MARCHF3: variants seen among roughly 807,000 people sequenced by gnomAD.
The protein encoded by MARCHF3 is E3 ubiquitin-protein ligase MARCHF3.
MARCHF3 carries 13 observed loss-of-function variants against 24.2 expected under a neutral mutation model. The ratio of observed to expected loss-of-function variants is 0.54; its 90% confidence interval spans 0.35 to 0.85. The LOEUF is 0.85. MARCHF3 is among the 40% of genes least tolerant of loss of function. MARCHF3 has a pLI of 0.01. For synonymous variants in MARCHF3, 144 were observed against 137.3 expected, an observed-to-expected ratio of 1.05 and a Z score of -0.34; for missense variants, 276 against 325.0, an observed-to-expected ratio of 0.85 and a Z score of 1.16.
intron 3 of MARCHF3, among the ~76,000 whole-genome samples, chr5:126,906,032 T>A (rs1413766236): frequency 1.3e-4 from 19 of 149,524 alleles, no homozygotes; most frequent in South Asian, 2.1e-4. Flanking sequence ...TGAAGGGTTG[T>A]TGAATTTTGT....
At chr5:127,006,516 G>A (rs1046164155) in intron 1 of MARCHF3, among the ~76,000 whole-genome samples, 4 of 152,052 alleles carry the variant, frequency 2.6e-5, no homozygotes, top group African/African-American at 7.2e-5. Flanking sequence ...TTCTTAAGAT[G>A]ACACCTTTAT....
intron 1 of MARCHF3, among the ~76,000 whole-genome samples, chr5:126,998,883 A>C (rs1053225993): frequency 8.5e-5 from 13 of 152,350 alleles, no homozygotes; most frequent in Admixed American, 4.6e-4. Context: ...GAAGCCCCGA[A>C]GTCAAGGAAC....
intron 1 of MARCHF3, among the ~76,000 whole-genome samples, chr5:126,941,491 A>T (rs1450828016): frequency 6.6e-6 from 1 of 152,172 alleles, no homozygotes; most frequent in Non-Finnish European, 1.5e-5. Flanking sequence ...TACACTTGTT[A>T]AAAACAGTTT....
intron 1 of MARCHF3, among the ~76,000 whole-genome samples, chr5:127,015,358 C>T (rs75156783): frequency 0.02 from 3,104 of 152,130 alleles, 75 homozygotes; most frequent in South Asian, 0.12. Context: ...GGGGAAAGGT[C>T]GAGGGAAGAT....
Position 126,918,268 on chromosome 5 carries a change from T to C in MARCHF3, c.-56-41A>G. On this transcript the variant is annotated intron_variant, in intron 1 of 4. Coordinates refer to ENST00000308660, the MANE Select transcript of MARCHF3 (RefSeq NM_178450.5). ...AAACAGTTTACTTGGGCAGGGTGGC[T>C]AATAGAAAATGGAGAATTATGGGCC... 2 of 1,310,294 alleles carry C rather than the reference T, an allele frequency of 1.5e-6. 1 individual carries two copies. The highest frequency in any genetic ancestry group is 2.0e-6 in the Non-Finnish European group (2 of 978,596). The allele number at this position is 1,310,294 out of a possible 1,614,324, so 81.2% of individuals were successfully genotyped here. A position where few individuals can be genotyped will look rare whatever the true frequency, so the allele number is the denominator to read the frequency against.
At chr5:126,998,593 C>G in intron 1 of MARCHF3, among the ~76,000 whole-genome samples, 1 of 152,158 alleles carries the variant, frequency 6.6e-6, no homozygotes, top group East Asian at 1.9e-4. Flanking sequence ...CACACTCACG[C>G]TGGGGAGAAC....
intron 1 of MARCHF3, among the ~76,000 whole-genome samples, chr5:126,988,601 G>C (rs1751643703): frequency 6.6e-6 from 1 of 152,032 alleles, no homozygotes; most frequent in Non-Finnish European, 1.5e-5. Flanking sequence ...TACATAAATT[G>C]GGACAAGAAA....
intron 1 of MARCHF3, among the ~76,000 whole-genome samples, chr5:126,949,924 GTTAGACAAAATCT>G (rs1561442540): frequency 6.6e-6 from 1 of 152,174 alleles, no homozygotes; most frequent in Non-Finnish European, 1.5e-5. Context: ...GGTCCTAGCT[GTTAGACAAAATCT>G]GTATAACCAT....
intron 1 of MARCHF3, among the ~76,000 whole-genome samples, chr5:127,013,592 G>T (rs1004304850): frequency 6.6e-6 from 1 of 152,156 alleles, no homozygotes; most frequent in Non-Finnish European, 1.5e-5. Flanking sequence ...TAAGAGGGAA[G>T]TACGATGCAG....
At chr5:126,884,518 A>C (rs547226863) in intron 3 of MARCHF3, among the ~76,000 whole-genome samples, 1 of 152,330 alleles carries the variant, frequency 6.6e-6, no homozygotes, top group African/African-American at 2.4e-5. Context: ...CAGACAACTC[A>C]AACTTAATCT....
chr5:127,025,221 G>C lies in MARCHF3; in HGVS notation c.-57+5129C>G, dbSNP rs1446041940. ...CATAGGTTTATAATATAGTGATATT[G>C]ATCACAGATTTTCCTAAGTACTCCA... On this transcript the variant is annotated intron_variant, in intron 1 of 4. Transcript: ENST00000308660. Among the ~76,000 whole-genome samples the C allele has an allele frequency of 1.1e-4, 17 of 150,884 alleles. 1 individual carries two copies. The highest frequency in any genetic ancestry group is 1.1e-3 in the Admixed American group (17 of 15,114).
intron 1 of MARCHF3, among the ~76,000 whole-genome samples, chr5:126,981,495 T>C (rs1306402417): frequency 1.3e-5 from 2 of 152,356 alleles, no homozygotes; most frequent in East Asian, 3.9e-4. Context: ...CTACTCCAGA[T>C]GTAAGTGTGT....
chr5:126,923,171 AAAAC>A (rs1354655138), intron 1 of MARCHF3, among the ~76,000 whole-genome samples: 11 of 152,374 alleles, frequency 7.2e-5, no homozygotes, highest in South Asian at 6.2e-4. Flanking sequence ...TGAAAAAAGA[AAAAC>A]AAAGATATAT....
At chr5:126,958,879 G>C (rs1251677215) in intron 1 of MARCHF3, among the ~76,000 whole-genome samples, 4 of 152,138 alleles carry the variant, frequency 2.6e-5, no homozygotes, top group African/African-American at 4.8e-5. Flanking sequence ...ATGACCAACA[G>C]TGGAACAATC....
chr5:127,000,012 T>G (rs1752076032), intron 1 of MARCHF3, among the ~76,000 whole-genome samples: 1 of 149,156 alleles, frequency 6.7e-6, no homozygotes, highest in African/African-American at 2.4e-5. Flanking sequence ...TTCTATAAAG[T>G]ACATTAGAAT....
intron 1 of MARCHF3, among the ~76,000 whole-genome samples, chr5:126,988,113 C>T (rs1297489956): frequency 1.3e-5 from 2 of 152,116 alleles, no homozygotes; most frequent in African/African-American, 4.8e-5. Flanking sequence ...GAGTAAAGCA[C>T]ACCCCGCCCC....
chr5:126,990,443 C>T (rs866984167), intron 1 of MARCHF3, among the ~76,000 whole-genome samples: 85 of 152,120 alleles, frequency 5.6e-4, no homozygotes, highest in African/African-American at 1.8e-3. Flanking sequence ...CCATAAAAGC[C>T]CTAGAAGAAA....
chr5:126,909,596 G>C (rs1754441398), intron 3 of MARCHF3, among the ~76,000 whole-genome samples: 1 of 152,196 alleles, frequency 6.6e-6, no homozygotes, highest in Admixed American at 6.5e-5. Flanking sequence ...GGTGTCGTCT[G>C]TCACCACTTT....
At chr5:127,024,898 T>C (rs1175396826) in intron 1 of MARCHF3, among the ~76,000 whole-genome samples, 2 of 152,202 alleles carry the variant, frequency 1.3e-5, no homozygotes, top group African/African-American at 2.4e-5. Context: ...TATTTTAGCA[T>C]AAAATATACT....
Sources: allele counts gnomAD v4.1 joint callset (sites outside exome capture counted in the v4.1 genomes callset), GRCh38; gene constraint gnomAD v4.1.1; transcripts MANE v1.5; gene names NCBI Gene and HGNC (gene_info 2026-07-23, HGNC 2026-07-21).